Variants in FAM193A observed in about 807,000 individuals in gnomAD.
FAM193A encodes protein FAM193A.
A neutral mutation model predicts 126.5 loss-of-function variants in FAM193A; 22 were observed. The ratio of observed to expected loss-of-function variants is 0.17; its 90% CI spans 0.12 to 0.25. The LOEUF (loss-of-function observed/expected upper bound fraction) is 0.25, where lower values mean the gene tolerates loss of function less well. Ranked by LOEUF, FAM193A falls within the 10% of genes least tolerant of loss-of-function variation. The pLI, the probability that FAM193A is intolerant of heterozygous loss-of-function variation, is 1.00. For missense variants in FAM193A, 1,675 were observed against 1,672.8 expected (o/e 1.00, Z -0.02); for synonymous variants, 761 against 646.8 (o/e 1.18, Z -2.68).
intron 2 of FAM193A, chr4:2,608,219 C>T (rs1332341007): frequency 1.7e-6 from 2 of 1,195,822 alleles, no homozygotes; most frequent in East Asian, 2.6e-5. Flanking sequence ...GTCGGTCTCG[C>T]CCAGTATGGA....
intron 1 of FAM193A, among the ~76,000 whole-genome samples, chr4:2,582,510 G>A (rs967601015): frequency 2.6e-5 from 4 of 151,796 alleles, no homozygotes; most frequent in South Asian, 4.2e-4. Flanking sequence ...TCTTAGTTGC[G>A]CATGACTTTT....
intron 2 of FAM193A, among the ~76,000 whole-genome samples, chr4:2,600,028 T>A (rs1263027934): frequency 1.3e-5 from 2 of 152,144 alleles, no homozygotes; most frequent in African/African-American, 4.8e-5. Flanking sequence ...GCCTCCCGAG[T>A]ACCGGGGACT....
chr4:2,719,652 G>GGA (rs1719899311), intron 20 of FAM193A, among the ~76,000 whole-genome samples: 1 of 151,596 alleles, frequency 6.6e-6, no homozygotes, highest in Non-Finnish European at 1.5e-5. Context: ...GGCTAAGGCA[G>GGA]GAGAATCACT....
intron 13 of FAM193A, among the ~76,000 whole-genome samples, chr4:2,676,457 T>C (rs1714414409): frequency 6.6e-6 from 1 of 152,254 alleles, no homozygotes. Context: ...TGACTATTCG[T>C]ATATCTTCTT....
At chr4:2,689,788 C>G in intron 14 of FAM193A, 84 bp downstream of exon 14, 1 of 981,172 alleles carries the variant, frequency 1.0e-6, no homozygotes, top group Non-Finnish European at 1.5e-6. Flanking sequence ...CGTGGAAGCC[C>G]TGGCGCAGCT....
intron 19 of FAM193A, among the ~76,000 whole-genome samples, chr4:2,712,961 C>A (rs1352702303): frequency 6.6e-6 from 1 of 151,610 alleles, no homozygotes; most frequent in Admixed American, 6.6e-5. Flanking sequence ...AAAATTAGCC[C>A]AGGTGTGGTG....
chr4:2,545,310 A>G (rs527516766), intron 1 of FAM193A, among the ~76,000 whole-genome samples: 1 of 152,310 alleles, frequency 6.6e-6, no homozygotes, highest in South Asian at 2.1e-4. Context: ...TGAATTTCAT[A>G]GAACAAGAAT....
chr4:2,544,629 A>G (rs1490556890), intron 1 of FAM193A, among the ~76,000 whole-genome samples: 3 of 152,014 alleles, frequency 2.0e-5, no homozygotes, highest in African/African-American at 7.2e-5. Context: ...GCTTGAACCC[A>G]GGAGGCAGAG....
chr4:2,603,330 G>A (rs935322676), intron 2 of FAM193A, among the ~76,000 whole-genome samples: 1 of 149,072 alleles, frequency 6.7e-6, no homozygotes, highest in African/African-American at 2.5e-5. Context: ...TGTTGCCCAG[G>A]CTGGAGTTCA....
chr4:2,732,114 C>T lies in FAM193A; in HGVS notation c.*246C>T. On this transcript the variant is annotated 3_prime_UTR_variant, in exon 21 of 21. Coordinates refer to ENST00000637812, the MANE Select transcript of FAM193A (RefSeq NM_001366318.2). ...TGTCGGATTGGAACAGTAGTTCCCG[C>T]CAAGTCCTCCCACCACCGCGGCCTC... The T allele has an allele frequency of 1.9e-6, 1 of 527,712 alleles. No individual in the cohort carries two copies. Among genetic ancestry groups the T allele is most frequent in the Non-Finnish European group, 3.4e-6 (1 of 291,284 alleles). The allele number at this position is 527,712 out of a possible 1,614,324, so 32.7% of individuals were successfully genotyped here.
At chr4:2,657,273 C>G (rs537284771) in intron 7 of FAM193A, among the ~76,000 whole-genome samples, 1 of 152,142 alleles carries the variant, frequency 6.6e-6, no homozygotes, top group Non-Finnish European at 1.5e-5. Flanking sequence ...CAGAAGCTTA[C>G]AGAACCGACT....
At chr4:2,711,164 T>C (rs1459210492) in intron 19 of FAM193A, among the ~76,000 whole-genome samples, 1 of 151,942 alleles carries the variant, frequency 6.6e-6, no homozygotes, top group Admixed American at 6.6e-5. Context: ...TGTGCTTTCT[T>C]TTGTTTTACT....
At chr4:2,723,791 C>G (rs575764029) in intron 20 of FAM193A, among the ~76,000 whole-genome samples, 410 of 141,314 alleles carry the variant, frequency 2.9e-3, no homozygotes, top group Middle Eastern at 8.2e-3. Flanking sequence ...GTTGGGGTTT[C>G]TGGGTTTTTT....
intron 1 of FAM193A, among the ~76,000 whole-genome samples, chr4:2,590,169 T>A (rs1577046267): frequency 1.5e-5 from 2 of 135,788 alleles, no homozygotes; most frequent in South Asian, 4.8e-4. Context: ...AAAAGGATCA[T>A]ATATAAAAAT....
chr4:2,543,152 A>G (rs1463193387), intron 1 of FAM193A, among the ~76,000 whole-genome samples: 1 of 151,180 alleles, frequency 6.6e-6, no homozygotes, highest in Admixed American at 6.6e-5. Flanking sequence ...CCCTGGCGCA[A>G]TCTTGGCTCA....
intron 20 of FAM193A, among the ~76,000 whole-genome samples, chr4:2,728,039 C>T (rs759261276): frequency 2.6e-5 from 4 of 152,024 alleles, no homozygotes; most frequent in Non-Finnish European, 4.4e-5. Context: ...TCAAGCGATG[C>T]TCCTGCCTCA....
intron 1 of FAM193A, among the ~76,000 whole-genome samples, chr4:2,583,636 C>T (rs1740075886): frequency 6.6e-6 from 1 of 152,150 alleles, no homozygotes; most frequent in South Asian, 2.1e-4. Flanking sequence ...GCAGGCTTTC[C>T]CAGTTTCTGC....
At chr4:2,665,414 T>C (rs1712996128) in intron 12 of FAM193A, among the ~76,000 whole-genome samples, 1 of 152,242 alleles carries the variant, frequency 6.6e-6, no homozygotes, top group Non-Finnish European at 1.5e-5. Flanking sequence ...CAAGATCATG[T>C]TGTCTGCAAA....
intron 1 of FAM193A, among the ~76,000 whole-genome samples, chr4:2,542,863 T>A (rs897477953): frequency 1.3e-5 from 2 of 152,182 alleles, no homozygotes; most frequent in Non-Finnish European, 2.9e-5. Flanking sequence ...CTATGTGTTA[T>A]ACCCAGGACC....
Sources: gnomAD v4.1 joint callset for allele counts (sites outside exome capture counted in the v4.1 genomes callset) on GRCh38, gnomAD v4.1.1 for gene constraint, MANE v1.5 for transcripts, NCBI Gene and HGNC (gene_info 2026-07-23, HGNC 2026-07-21) for gene names.